Variants in CYTIP observed in about 807,000 individuals in gnomAD.
CYTIP encodes cytohesin-interacting protein.
Under a neutral mutation model 43.8 loss-of-function variants are expected in CYTIP, and 26 were observed. The ratio of observed to expected loss-of-function variants is 0.59; its 90% CI spans 0.44 to 0.82. The LOEUF is 0.82. Among genes scored for constraint, CYTIP ranks in the 40% least tolerant of loss-of-function variants. CYTIP has a pLI of 0.00. For missense variants in CYTIP, 426 were observed against 443.1 expected, an observed-to-expected ratio of 0.96 and a Z score of 0.35; for synonymous variants, 162 against 162.9, an observed-to-expected ratio of 0.99 and a Z score of 0.04.
chr2:157,430,715 A>T, intron 4 of CYTIP, 63 bp from the exon 5 acceptor site: 1 of 1,526,934 alleles, frequency 6.5e-7, no homozygotes, highest in Non-Finnish European at 9.1e-7. Context: ...CCTGACATGC[A>T]AATGAAACAA....
At chr2:157,418,171 C>G (rs1009507824) in intron 7 of CYTIP, among the ~76,000 whole-genome samples, 1 of 152,198 alleles carries the variant, frequency 6.6e-6, no homozygotes, top group East Asian at 1.9e-4. Context: ...AAAAACTATA[C>G]AGCCCCTTAG....
intron 6 of CYTIP, 21 bp downstream of exon 6, chr2:157,427,330 C>T: frequency 1.3e-6 from 2 of 1,589,680 alleles, no homozygotes; most frequent in Non-Finnish European, 1.7e-6. Context: ...AAATGTGCCT[C>T]ACTGCATTAA....
intron 5 of CYTIP, among the ~76,000 whole-genome samples, chr2:157,429,974 G>T (rs1685683283): frequency 6.8e-6 from 1 of 146,100 alleles, no homozygotes; most frequent in Admixed American, 7.0e-5. Context: ...AGTGAGCCAA[G>T]ATCGCGCCAC....
chr2:157,427,427 T>A lies in CYTIP; in HGVS notation c.477-7A>T, dbSNP rs1193773022. On this transcript the variant is annotated splice_polypyrimidine_tract_variant and splice_region_variant and intron_variant, in intron 5 of 7. Transcript: ENST00000264192. ...TCCATTAAGAGTCTCTATCCTGTTT[T>A]AAGGAAAAAAAAAAGAAGAGGAAGG... The A allele has an allele frequency of 6.3e-7, 1 of 1,583,270 alleles. No individual in the cohort carries two copies. The highest frequency in any genetic ancestry group is 1.4e-5 in the African/African-American group (1 of 73,172).
chr2:157,422,076 T>C (rs548938602), intron 6 of CYTIP, among the ~76,000 whole-genome samples: 60 of 152,260 alleles, frequency 3.9e-4, no homozygotes, highest in African/African-American at 1.3e-3. Context: ...CTATGGCTCA[T>C]GTAGAGCTTG....
At chr2:157,439,527 G>A (rs1685869743) in intron 1 of CYTIP, 1 of 152,156 alleles carries the variant, frequency 6.6e-6, no homozygotes, top group African/African-American at 2.4e-5. Context: ...GATCTGACCA[G>A]TGGGGTCTAT....
At chr2:157,426,907 A>G (rs149302676) in intron 6 of CYTIP, among the ~76,000 whole-genome samples, 87 of 152,324 alleles carry the variant, frequency 5.7e-4, no homozygotes, top group African/African-American at 2.0e-3. Flanking sequence ...AAGGACAGTC[A>G]CAGGATTAGA....
chr2:157,423,282 C>T (rs1351886886), intron 6 of CYTIP, among the ~76,000 whole-genome samples: 8 of 150,206 alleles, frequency 5.3e-5, no homozygotes, highest in Admixed American at 6.6e-5. Context: ...TAGAAAATCC[C>T]GTAGAGAAAG....
At chr2:157,432,590 T>C (rs1360886286) in intron 3 of CYTIP, among the ~76,000 whole-genome samples, 5 of 152,172 alleles carry the variant, frequency 3.3e-5, no homozygotes, top group Admixed American at 2.6e-4. Flanking sequence ...TGAATTCAGG[T>C]GTGCATGAGT....
chr2:157,417,248 T>A (rs1573852631), intron 7 of CYTIP, among the ~76,000 whole-genome samples: 1 of 152,220 alleles, frequency 6.6e-6, no homozygotes, highest in Non-Finnish European at 1.5e-5. Flanking sequence ...TACAACCTAC[T>A]TCATTTCATC....
intron 1 of CYTIP, among the ~76,000 whole-genome samples, chr2:157,438,221 C>T (rs1436488355): frequency 1.3e-5 from 2 of 152,114 alleles, no homozygotes; most frequent in Admixed American, 6.6e-5. Context: ...CTGTCATTCA[C>T]AGCAACATGG....
chr2:157,420,549 G>T (rs752422328), intron 6 of CYTIP, among the ~76,000 whole-genome samples: 2 of 149,582 alleles, frequency 1.3e-5, no homozygotes, highest in African/African-American at 4.9e-5. Context: ...TAAAAAAGAG[G>T]CTGATGTAGA....
In CYTIP at chr2:157,443,855, G is replaced by T. The variant is rs770910230; in HGVS notation, c.166C>A (p.Arg56=). The T allele has an allele frequency of 2.5e-6, 4 of 1,613,952 alleles. No individual in the cohort carries two copies. The highest frequency in any genetic ancestry group is 3.4e-6 in the Non-Finnish European group (4 of 1,179,906). The change falls in exon 1 of 8, where the codon CGA becomes AGA. Residue 56 remains arginine (R), a synonymous_variant. Coordinates refer to ENST00000264192, the MANE Select transcript of CYTIP (RefSeq NM_004288.5). ...ADTVATLPRG[R]KQLALTRSSS... ...CAAAATAGCAATCATACCTGCTTTCGTCCCCGAGGCAGAGTAGCCACCGTG... is the reference window on the plus strand; with the variant it reads ...CAAAATAGCAATCATACCTGCTTTCTTCCCCGAGGCAGAGTAGCCACCGTG...
chr2:157,424,340 G>A (rs950877341), intron 6 of CYTIP, among the ~76,000 whole-genome samples: 17 of 151,940 alleles, frequency 1.1e-4, no homozygotes, highest in Non-Finnish European at 2.9e-5. Flanking sequence ...GTAAAGAAAC[G>A]ATAATAAGAA....
intron 6 of CYTIP, 106 bp downstream of exon 6, chr2:157,427,242 CACG>C (rs1685626745): frequency 2.3e-6 from 2 of 865,110 alleles, no homozygotes; most frequent in Non-Finnish European, 3.5e-6. Context: ...TTAGATTCAC[CACG>C]ACATTTCTTT....
Position 157,415,722 on chromosome 2 carries a change from G to A in CYTIP, c.1035C>T (p.Ile345=). The change falls in exon 8 of 8, where the codon ATC becomes ATT. Residue 345 remains isoleucine, a synonymous_variant. Coordinates refer to ENST00000264192, the MANE Select transcript of CYTIP (RefSeq NM_004288.5). ...CTTCCACAGCACGATGAAGGCCAGG[G>A]ATAAATTTCAAGAGTTGCTTTCGGA... The part of the protein sequence containing the change: ...GSVRKQLLKF[I]PGLHRAVEEE... The A allele has an allele frequency of 6.2e-7, 1 of 1,613,870 alleles. No individual in the cohort carries two copies. The highest frequency in any genetic ancestry group is 1.1e-5 in the South Asian group (1 of 91,070).
intron 1 of CYTIP, among the ~76,000 whole-genome samples, chr2:157,437,709 A>AT (rs59196269): frequency 6.7e-6 from 1 of 149,522 alleles, no homozygotes; most frequent in Non-Finnish European, 1.5e-5. Flanking sequence ...AAAAAAAAAA[A>AT]GAAAAAAAAA....
chr2:157,426,608 T>C (rs1685611340), intron 6 of CYTIP, among the ~76,000 whole-genome samples: 1 of 152,144 alleles, frequency 6.6e-6, no homozygotes, highest in South Asian at 2.1e-4. Flanking sequence ...TAAACTACAA[T>C]CTCTGCTCAG....
intron 5 of CYTIP, 65 bp downstream of exon 5, chr2:157,430,494 A>G (rs1256680249): frequency 4.3e-6 from 6 of 1,387,080 alleles, no homozygotes; most frequent in Non-Finnish European, 6.2e-6. Context: ...CTATTTATTC[A>G]CTCATCAGGC....
Sources: allele counts gnomAD v4.1 joint callset (sites outside exome capture counted in the v4.1 genomes callset), GRCh38; gene constraint gnomAD v4.1.1; transcripts MANE v1.5; gene names NCBI Gene and HGNC (gene_info 2026-07-23, HGNC 2026-07-21).